The following BTBD8 variants were observed in gnomAD, a reference collection of about 807,000 sequenced individuals.
BTBD8 encodes BTB domain containing 8, also known as BTB/POZ domain-containing protein 8.
In BTBD8, 110 loss-of-function variants were observed where a neutral mutation model predicts 162.9. The observed-to-expected ratio is 0.68, with a 90% CI of 0.58 to 0.79. The LOEUF (loss-of-function observed/expected upper bound fraction) is 0.79. Ranked by LOEUF, BTBD8 falls within the 30% of genes least tolerant of loss-of-function variation. The probability of loss-of-function intolerance (pLI) is 0.00; values close to 1 mark genes in which losing one functional copy is unlikely to be tolerated. For synonymous variants in BTBD8, 667 were observed against 716.1 expected (o/e 0.93, Z 1.10); for missense variants, 1,905 against 2,085.4 (o/e 0.91, Z 1.68).
intron 5 of BTBD8, among the ~76,000 whole-genome samples, chr1:92,134,467 T>A (rs538391476): frequency 2.0e-5 from 3 of 152,178 alleles, no homozygotes; most frequent in Non-Finnish European, 4.4e-5. Flanking sequence ...GGGCCTTTGT[T>A]TTTTTGGCTT....
intron 7 of BTBD8, among the ~76,000 whole-genome samples, chr1:92,143,414 A>G (rs1267539080): frequency 1.3e-5 from 2 of 152,040 alleles, no homozygotes; most frequent in South Asian, 2.1e-4. Flanking sequence ...GACATTTTTT[A>G]TATTATTAAT....
At chr1:92,126,777 C>T (rs1649371215) in intron 4 of BTBD8, among the ~76,000 whole-genome samples, 1 of 152,090 alleles carries the variant, frequency 6.6e-6, no homozygotes. Flanking sequence ...GTTGAATTAC[C>T]ATAGAGTAAT....
intron 4 of BTBD8, chr1:92,126,607 T>C (rs1254041379): frequency 5.3e-6 from 2 of 374,210 alleles, no homozygotes; most frequent in Admixed American, 3.6e-5. Flanking sequence ...GTTGCACTTA[T>C]TGTACGGTTT....
chr1:92,143,438 G>A (rs1649823926), intron 7 of BTBD8, among the ~76,000 whole-genome samples: 1 of 151,976 alleles, frequency 6.6e-6, no homozygotes, highest in Non-Finnish European at 1.5e-5. Context: ...AACAGAAAAT[G>A]AAGTTTATTT....
intron 4 of BTBD8, among the ~76,000 whole-genome samples, chr1:92,117,747 T>G (rs1428190828): frequency 2.6e-5 from 4 of 152,038 alleles, no homozygotes; most frequent in Admixed American, 2.0e-4. Flanking sequence ...CTATATCATC[T>G]CCTCAGCTCA....
intron 9 of BTBD8, among the ~76,000 whole-genome samples, chr1:92,156,525 A>G (rs908140080): frequency 1.3e-5 from 2 of 152,208 alleles, no homozygotes; most frequent in Non-Finnish European, 2.9e-5. Flanking sequence ...AGCAGAATTC[A>G]GTAATGAAGC....
intron 4 of BTBD8, among the ~76,000 whole-genome samples, chr1:92,124,254 C>T (rs764406237): frequency 4.6e-5 from 7 of 152,178 alleles, no homozygotes; most frequent in Non-Finnish European, 1.0e-4. Flanking sequence ...TGAAAGCATG[C>T]TTTCCTTTTT....
At position 92,116,857 on chromosome 1, in the gene BTBD8, C is replaced by CTT. The variant is rs112709043; in HGVS notation, c.662+8868_662+8869dup. On this transcript the variant is annotated intron_variant, in intron 4 of 17. Transcript: ENST00000636805. ...GTTTGAGTGTAAGTCTACCATTGTA[C>CTT]TTTTTTTTTTTTTATTGGATCACTC... 9.9e-5 allele frequency among the ~76,000 whole-genome samples: 14 copies of CTT among 141,988 alleles called. 1 individual carries two copies. The East Asian group carries it at 1.4e-3, about 15-fold the overall frequency. 93.1% of individuals were successfully genotyped at this position (141,988 alleles called of 152,430 possible). A position where few individuals can be genotyped will look rare whatever the true frequency, so the allele number is the denominator to read the frequency against.
chr1:92,183,755 G>GT (rs59910368), intron 17 of BTBD8, 109 bp from the exon 18 acceptor site: 64,069 of 424,484 alleles, frequency 0.15, 1,574 homozygotes, highest in East Asian at 0.23. Flanking sequence ...CCCATTCTGT[G>GT]TTTTTTTTTT....
chr1:92,123,283 AC>A (rs1649265241), intron 4 of BTBD8, among the ~76,000 whole-genome samples: 1 of 152,202 alleles, frequency 6.6e-6, no homozygotes, highest in Non-Finnish European at 1.5e-5. Flanking sequence ...GCCTGAAATC[AC>A]GTTTTCCACC....
At position 92,177,403 on chromosome 1, in the gene BTBD8, C is replaced by T; in HGVS notation, c.2210C>T (p.Ser737Leu). 2.6e-6 allele frequency: 4 copies of T among 1,551,702 alleles called. No homozygotes were observed. The highest frequency in any genetic ancestry group is 2.6e-6 in the Non-Finnish European group (3 of 1,146,988). The stretch of plus-strand genomic sequence containing the variant: ...TCCACAGATTCAAGTATGGAATTCT[C>T]AATTTCCACTGAATGTCTGGATGAA... ...SRSTDSSMEF[S>L]ISTECLDEPK... The change falls in exon 14 of 18, where the codon TCA becomes TTA. Residue 737 changes from serine to leucine, a missense_variant. Physicochemically the swap from Ser to Leu is moderately radical, Grantham distance 145 (BLOSUM62 -2). Around this residue, in one of 3 missense-constraint regions of BTBD8, gnomAD observed 1,374 missense variants for 1,442.7 expected, o/e 0.95. Coordinates refer to ENST00000636805, the MANE Select transcript of BTBD8 (RefSeq NM_001376131.1).
chr1:92,172,580 A>G (rs1405751474), intron 13 of BTBD8, among the ~76,000 whole-genome samples: 2 of 152,264 alleles, frequency 1.3e-5, no homozygotes, highest in Admixed American at 6.5e-5. Context: ...AACCAATAAT[A>G]TATTCAAAGT....
intron 12 of BTBD8, among the ~76,000 whole-genome samples, chr1:92,169,498 G>T (rs999846812): frequency 6.6e-6 from 1 of 152,010 alleles, no homozygotes; most frequent in Admixed American, 6.6e-5. Context: ...GCTGCACAGT[G>T]GTCTGTGACA....
In BTBD8 at chr1:92,082,224, TAAAAC is replaced by T. The variant is rs890442023; in HGVS notation, c.149+1519_149+1523del. 6.6e-5 allele frequency among the ~76,000 whole-genome samples: 10 copies of T among 151,126 alleles called. No individual in the cohort carries two copies. In the South Asian group the frequency reaches 8.3e-4, roughly 13 times the overall value. On this transcript the variant is annotated intron_variant, in intron 1 of 17. Transcript: ENST00000636805. ...AAATAGATGTAGCAAGGTTTTTTTTTAAAACAAAACAAAACAAAATGCTCACCCAA... is the reference window on the plus strand; with the variant it reads ...AAATAGATGTAGCAAGGTTTTTTTTTAAAACAAAACAAAATGCTCACCCAA...
At chr1:92,097,581 T>C (rs553641008) in intron 2 of BTBD8, among the ~76,000 whole-genome samples, 39 of 152,304 alleles carry the variant, frequency 2.6e-4, no homozygotes, top group Non-Finnish European at 4.7e-4. Flanking sequence ...CAACCTACTT[T>C]CTGTCTTTAA....
At chr1:92,085,178 T>G (rs150821217) in intron 1 of BTBD8, among the ~76,000 whole-genome samples, 49 of 152,370 alleles carry the variant, frequency 3.2e-4, no homozygotes, top group African/African-American at 1.2e-3. Context: ...ATGTTCCCAG[T>G]GCTTAGTACA....
At position 92,141,108 on chromosome 1, in the gene BTBD8, AT is replaced by A; in HGVS notation, c.834-3del. 1 of 1,540,108 alleles carries A rather than the reference AT, an allele frequency of 6.5e-7. No individual in the cohort carries two copies. On this transcript the variant is annotated splice_region_variant and splice_polypyrimidine_tract_variant and intron_variant, in intron 6 of 17. Transcript: ENST00000636805. ...GAGAATTAACAGTGCATCTATTTTT[AT>A]TTTAGTCAGATACTCAATATGGCTG...
intron 13 of BTBD8, among the ~76,000 whole-genome samples, chr1:92,171,768 T>G (rs1343111607): frequency 6.6e-6 from 1 of 152,200 alleles, no homozygotes; most frequent in African/African-American, 2.4e-5. Context: ...ATTCAATGTC[T>G]GTTTTTCTAA....
chr1:92,175,168 C>T (rs551602226), intron 13 of BTBD8, among the ~76,000 whole-genome samples: 110 of 151,990 alleles, frequency 7.2e-4, no homozygotes, highest in Non-Finnish European at 1.4e-3. Flanking sequence ...AAAAAAAAAC[C>T]GTTTGCATAC....
Sources: allele counts gnomAD v4.1 joint callset (sites outside exome capture counted in the v4.1 genomes callset), GRCh38; gene constraint gnomAD v4.1.1; regional missense constraint gnomAD v4.1.1; transcripts MANE v1.5; gene names NCBI Gene and HGNC (gene_info 2026-07-23, HGNC 2026-07-21).